VPS45: variants seen among roughly 807,000 people sequenced by gnomAD.
VPS45 encodes vacuolar protein sorting-associated protein 45.
In VPS45, 35 loss-of-function variants were observed where a neutral mutation model predicts 75.9. That is an observed-to-expected ratio of 0.46 (90% CI 0.35 to 0.61). VPS45 has a LOEUF of 0.61. VPS45 is among the 20% of genes least tolerant of loss of function. The pLI is 0.00. For missense variants in VPS45, 559 were observed against 685.9 expected, an observed-to-expected ratio of 0.81 and a Z score of 2.07; for synonymous variants, 220 against 238.2, an observed-to-expected ratio of 0.92 and a Z score of 0.70.
chr1:150,114,241 G>T (rs1657800656), intron 14 of VPS45, among the ~76,000 whole-genome samples: 1 of 152,012 alleles, frequency 6.6e-6, no homozygotes, highest in African/African-American at 2.4e-5. Flanking sequence ...GGGAGGCCGA[G>T]GTGGGCAGAT....
At chr1:150,092,518 G>T in intron 12 of VPS45, 109 bp downstream of exon 12, 1 of 865,700 alleles carries the variant, frequency 1.2e-6, no homozygotes, top group South Asian at 2.4e-5. Context: ...TGCTAATTTA[G>T]TACTGTGTCA....
At chr1:150,080,622 A>G (rs894118131) in intron 7 of VPS45, among the ~76,000 whole-genome samples, 6 of 152,244 alleles carry the variant, frequency 3.9e-5, no homozygotes, top group Non-Finnish European at 5.9e-5. Flanking sequence ...TTCTAGATGC[A>G]GAAGGGAACA....
At position 150,092,088 on chromosome 1, in the gene VPS45, A is replaced by G. The variant is rs587755466; in HGVS notation, c.1256A>G (p.Tyr419Cys). 1.2e-6 allele frequency: 2 copies of G among 1,613,208 alleles called. No individual in the cohort carries two copies. The highest frequency in any genetic ancestry group is 2.2e-5 in the South Asian group (2 of 90,802). Residue 419 changes from tyrosine to cysteine, a missense_variant, in exon 11 of 15, where the codon TAT becomes TGT. By Grantham distance (194) the Tyr-to-Cys change is radical. Transcript: ENST00000644510. ...DLRNKGVSEK[Y>C]RKLVSAVVEY... Reference sequence around the variant, plus strand: ...AGGAATAAAGGTGTTTCTGAGAAGTATCGAAAGGTAACCAGTTTCCATATT... The same window carrying G: ...AGGAATAAAGGTGTTTCTGAGAAGTGTCGAAAGGTAACCAGTTTCCATATT...
intron 10 of VPS45, among the ~76,000 whole-genome samples, chr1:150,083,831 T>C (rs1655860107): frequency 6.6e-6 from 1 of 151,926 alleles, no homozygotes; most frequent in Admixed American, 6.6e-5. Context: ...GGAAGGAAGT[T>C]GGGCTTTAAT....
chr1:150,070,144 C>A (rs1442596402), intron 2 of VPS45, among the ~76,000 whole-genome samples: 1 of 152,064 alleles, frequency 6.6e-6, no homozygotes, highest in Non-Finnish European at 1.5e-5. Flanking sequence ...CAAACCTGCC[C>A]CTTATATGCA....
intron 14 of VPS45, among the ~76,000 whole-genome samples, chr1:150,127,661 A>AC (rs1310431775): frequency 6.6e-6 from 1 of 152,230 alleles, no homozygotes; most frequent in African/African-American, 2.4e-5. Flanking sequence ...GAAGTTAAGT[A>AC]CCTTGTCCAA....
At position 150,115,988 on chromosome 1, in the gene VPS45, C is replaced by T. The variant is rs587625380; in HGVS notation, c.1625+5361C>T. Among the ~76,000 whole-genome samples, 32 of 152,284 alleles carry T rather than the reference C, an allele frequency of 2.1e-4. No individual in the cohort carries two copies. The South Asian group carries it at 6.2e-3, about 30-fold the overall frequency. ...TTTTTGTGCTGACCCTTAGCAATTC[C>T]TCTCACTTTCCAAAGAAGTTAGATA... On this transcript the variant is annotated intron_variant, in intron 14 of 14. Coordinates refer to ENST00000644510, the MANE Select transcript of VPS45 (RefSeq NM_007259.5).
In VPS45 at chr1:150,093,638, C is replaced by T; in HGVS notation, c.1483C>T (p.Leu495Phe). The change falls in exon 13 of 15, where the codon CTC (leucine) becomes TTC (phenylalanine). Residue 495 changes from leucine (L) to phenylalanine (F), a missense_variant. Leu to Phe is a conservative substitution (Grantham distance 22). Transcript: ENST00000644510. ...ATATCCTTATTTAGGCCCCAGCACA[C>T]TCAGAGACAGGTAAGCTAACAAAGA... ...NLYPYLGPST[L>F]RDRPQDIIVF... 1.2e-6 allele frequency: 2 copies of T among 1,607,564 alleles called. No individual in the cohort carries two copies. Among genetic ancestry groups the T allele is most frequent in the Non-Finnish European group, 1.7e-6 (2 of 1,178,042 alleles).
At chr1:150,099,185 A>C in intron 13 of VPS45, 1 of 490,628 alleles carries the variant, frequency 2.0e-6, no homozygotes, top group Non-Finnish European at 2.7e-6. Flanking sequence ...ACTTAACCAC[A>C]TATAGAAATA....
At chr1:150,118,730 T>C (rs587713814) in intron 14 of VPS45, among the ~76,000 whole-genome samples, 1 of 152,280 alleles carries the variant, frequency 6.6e-6, no homozygotes, top group African/African-American at 2.4e-5. Flanking sequence ...TTATATAAAA[T>C]TAAGAAGGTA....
At chr1:150,074,180 A>G (rs1363956523) in intron 3 of VPS45, among the ~76,000 whole-genome samples, 1 of 150,952 alleles carries the variant, frequency 6.6e-6, no homozygotes, top group African/African-American at 2.5e-5. Flanking sequence ...ACGCCCAGCT[A>G]ATTTTTGTAT....
In VPS45 at chr1:150,076,531, G is replaced by C. The variant is rs951402958; in HGVS notation, c.369+219G>C. ...GTGATAGGTGATAAATGAATAAAAA[G>C]AATACCTGTTTTAAATTATATTCTC... On this transcript the variant is annotated intron_variant, in intron 4 of 14. Transcript: ENST00000644510. The C allele has an allele frequency of 1.7e-5, 8 of 479,342 alleles. No homozygotes were observed. In the Admixed American group the frequency reaches 2.2e-4, roughly 13 times the overall value. The allele number at this position is 479,342 out of a possible 1,614,324, so 29.7% of individuals were successfully genotyped here.
chr1:150,129,120 C>T (rs966064989), intron 14 of VPS45, among the ~76,000 whole-genome samples: 2 of 152,162 alleles, frequency 1.3e-5, no homozygotes, highest in African/African-American at 4.8e-5. Flanking sequence ...CACTGACAAG[C>T]ATTTATTGAG....
At chr1:150,072,780 A>G (rs1655154712) in intron 3 of VPS45, among the ~76,000 whole-genome samples, 1 of 152,092 alleles carries the variant, frequency 6.6e-6, no homozygotes, top group African/African-American at 2.4e-5. Flanking sequence ...ATGCTTTGTA[A>G]GTCAAAAGTT....
intron 2 of VPS45, 41 bp downstream of exon 2, chr1:150,068,805 A>G (rs781784445): frequency 2.3e-5 from 35 of 1,518,866 alleles, no homozygotes; most frequent in Non-Finnish European, 2.9e-5. Flanking sequence ...AGGCAGATGC[A>G]GAACACTCTG....
intron 8 of VPS45, 131 bp downstream of exon 8, chr1:150,081,607 T>C: frequency 8.9e-7 from 1 of 1,123,098 alleles, no homozygotes; most frequent in Non-Finnish European, 1.3e-6. Context: ...GTGCATAAAC[T>C]GCCTCTGAAG....
In VPS45 at chr1:150,088,434, A is replaced by AATAAATAAATAT. The variant is rs1400963423; in HGVS notation, c.1105-3500_1105-3499insAATAAATATATA. ...TGTTCTATTTCATGGCTGAATAATA[A>AATAAATAAATAT]ATATATATATATATATATATATGCT... On this transcript the variant is annotated intron_variant, in intron 10 of 14. Transcript: ENST00000644510. Among the ~76,000 whole-genome samples, 795 of 125,504 alleles carry AATAAATAAATAT rather than the reference A, an allele frequency of 6.3e-3. 17 individuals are homozygous for AATAAATAAATAT. The highest frequency in any genetic ancestry group is 0.025 in the African/African-American group (769 of 30,786). The allele number at this position is 125,504 out of a possible 152,430, so 82.3% of individuals were successfully genotyped here. A position where few individuals can be genotyped will look rare whatever the true frequency, so the allele number is the denominator to read the frequency against.
intron 14 of VPS45, among the ~76,000 whole-genome samples, chr1:150,114,656 G>A (rs148230840): frequency 0.021 from 3,241 of 151,792 alleles, 98 homozygotes; most frequent in African/African-American, 0.074. Context: ...AGCACTTTGG[G>A]AGGCCAAGGC....
intron 14 of VPS45, among the ~76,000 whole-genome samples, chr1:150,114,855 G>A (rs1175496480): frequency 2.0e-5 from 3 of 150,580 alleles, no homozygotes; most frequent in African/African-American, 4.9e-5. Flanking sequence ...GCTGCAGTGA[G>A]CCGTGATCAT....
Sources: allele counts gnomAD v4.1 joint callset (sites outside exome capture counted in the v4.1 genomes callset), GRCh38; gene constraint gnomAD v4.1.1; transcripts MANE v1.5; gene names NCBI Gene and HGNC (gene_info 2026-07-23, HGNC 2026-07-21).